Variants in HMCN2 observed in about 807,000 individuals in gnomAD.
HMCN2 encodes hemicentin 2.
A neutral mutation model predicts 377.5 loss-of-function variants in HMCN2; 325 were observed. That is an observed-to-expected ratio of 0.86 (90% CI 0.79 to 0.94). The LOEUF is 0.94. Among genes scored for constraint, HMCN2 ranks in the 40% least tolerant of loss-of-function variants. The pLI is 0.00. For synonymous variants in HMCN2, 2,007 were observed against 2,046.8 expected, an observed-to-expected ratio of 0.98 and a Z score of 0.53; for missense variants, 4,543 against 4,725.3, an observed-to-expected ratio of 0.96 and a Z score of 1.13.
chr9:130,365,574 C>T (rs1235232786), intron 41 of HMCN2, 57 bp from the exon 42 acceptor site: 1 of 851,044 alleles, frequency 1.2e-6, no homozygotes, highest in Admixed American at 6.2e-5. Flanking sequence ...ACAGTCTGTC[C>T]AGGGCTCACC....
At position 130,303,014 on chromosome 9, in the gene HMCN2, C is replaced by T. The variant is rs536822287; in HGVS notation, c.1421+13C>T. Reference sequence around the variant, plus strand: ...AGAGGCACTTTCAGTGAGTGGCCCACGGCAGCTGATTGTCCCCAGCCACAG... The same window carrying T: ...AGAGGCACTTTCAGTGAGTGGCCCATGGCAGCTGATTGTCCCCAGCCACAG... On this transcript the variant is annotated intron_variant, in intron 9 of 97. Transcript: ENST00000683500. This position sits in a 1 kb window ranked among gnomAD's most constrained non-coding sequence, Gnocchi z 5.2. The T allele has an allele frequency of 5.8e-5, 27 of 463,392 alleles. No homozygotes were observed. The highest frequency in any genetic ancestry group is 1.4e-4 in the East Asian group (2 of 14,354). The allele number at this position is 463,392 out of a possible 1,614,324, so 28.7% of individuals were successfully genotyped here.
At chr9:130,378,975 T>C (rs941890870) in intron 53 of HMCN2, among the ~76,000 whole-genome samples, 5 of 152,198 alleles carry the variant, frequency 3.3e-5, no homozygotes, top group Non-Finnish European at 5.9e-5. Flanking sequence ...GGCTTCCAAC[T>C]GTGAAAAATA....
At position 130,306,239 on chromosome 9, in the gene HMCN2, C is replaced by T. The variant is rs782367036; in HGVS notation, c.1927C>T (p.Arg643Cys). 8 of 470,962 alleles carry T rather than the reference C, an allele frequency of 1.7e-5. No individual in the cohort carries two copies. The highest frequency in any genetic ancestry group is 6.9e-5 in the East Asian group (1 of 14,394). 29.2% of individuals were successfully genotyped at this position (470,962 alleles called of 1,614,324 possible). The change falls in exon 12 of 98, where the codon CGT becomes TGT. Residue 643 changes from arginine (R) to cysteine (C), a missense_variant. By Grantham distance (180) the Arg-to-Cys change is radical (BLOSUM62 -3). This residue lies in a region of HMCN2 where 547 missense variants were observed against 189.9 expected (regional missense o/e 2.88). Coordinates refer to ENST00000683500, the MANE Select transcript of HMCN2 (RefSeq NM_001291815.2). ...CCCCACACCCCACATCTCCTGGAGC[C>T]GTGAGAGCCAAGCCCTACAAGAGGA... ...GYPTPHISWS[R>C]ESQALQEDSR...
intron 19 of HMCN2, among the ~76,000 whole-genome samples, chr9:130,322,358 CTAT>C (rs1837903949): frequency 6.6e-6 from 1 of 152,116 alleles, no homozygotes; most frequent in Non-Finnish European, 1.5e-5. Context: ...ATCTATCTAT[CTAT>C]CCATCTGTCT....
intron 19 of HMCN2, among the ~76,000 whole-genome samples, chr9:130,322,251 C>T (rs1837889980): frequency 6.6e-6 from 1 of 152,010 alleles, no homozygotes; most frequent in African/African-American, 2.4e-5. Context: ...ATTCTTTATA[C>T]ATTTTACATA....
chr9:130,380,829 C>A (rs1422608667), intron 54 of HMCN2, among the ~76,000 whole-genome samples: 1 of 151,746 alleles, frequency 6.6e-6, no homozygotes, highest in East Asian at 1.9e-4. Context: ...TCTTGCAGAT[C>A]CAGGAGTGCA....
At chr9:130,286,444 C>T (rs1835417452) in intron 4 of HMCN2, 134 bp downstream of exon 4, 1 of 397,160 alleles carries the variant, frequency 2.5e-6, no homozygotes, top group African/African-American at 2.0e-5. Flanking sequence ...TATAGCTGAG[C>T]AGCACTGGGT....
At chr9:130,409,254 C>A (rs1346152794) in intron 84 of HMCN2, among the ~76,000 whole-genome samples, 1 of 152,216 alleles carries the variant, frequency 6.6e-6, no homozygotes, top group Non-Finnish European at 1.5e-5. Flanking sequence ...TTGTTATTAA[C>A]AACCTCAGGG....
At chr9:130,339,931 G>A (rs964157581) in intron 23 of HMCN2, among the ~76,000 whole-genome samples, 5 of 152,212 alleles carry the variant, frequency 3.3e-5, no homozygotes, top group African/African-American at 1.2e-4. Flanking sequence ...GAGCAAGGTG[G>A]CCCCTGGGCT....
chr9:130,338,175 C>T (rs1838858768), intron 23 of HMCN2, 154 bp downstream of exon 23: 1 of 153,806 alleles, frequency 6.5e-6, no homozygotes, highest in Non-Finnish European at 1.4e-5. Context: ...TTTGCCACCC[C>T]CACTTCCTGT....
intron 22 of HMCN2, among the ~76,000 whole-genome samples, chr9:130,332,315 C>T (rs1838468932): frequency 6.6e-6 from 1 of 152,206 alleles, no homozygotes; most frequent in East Asian, 1.9e-4. Context: ...CATGGTCGCA[C>T]AGTGTGAGGG....
chr9:130,300,226 C>A (rs1554933898), intron 8 of HMCN2, among the ~76,000 whole-genome samples: 1 of 152,004 alleles, frequency 6.6e-6, no homozygotes, highest in Non-Finnish European at 1.5e-5. Context: ...ATTAATTCAC[C>A]TATCTATCCA....
intron 1 of HMCN2, among the ~76,000 whole-genome samples, chr9:130,278,129 G>C (rs375439766): frequency 4.6e-5 from 7 of 151,658 alleles, no homozygotes; most frequent in Admixed American, 2.0e-4. Context: ...TGGTTGGTTG[G>C]TTGGTTTTTT....
Position 130,422,737 on chromosome 9 carries a change from G to A in HMCN2, c.13381+11G>A, listed in dbSNP as rs1844090702. On this transcript the variant is annotated intron_variant, in intron 87 of 97. Transcript: ENST00000683500. The surrounding 1 kb of genome is among the most constrained non-coding windows in gnomAD (Gnocchi z 4.2). Reference sequence around the variant, plus strand: ...TCCCAGCAAACGTGGGTGAGTGGAAGGCAGAGCATCACCTGCCTCTGGGTT... The same window carrying A: ...TCCCAGCAAACGTGGGTGAGTGGAAAGCAGAGCATCACCTGCCTCTGGGTT... The A allele has an allele frequency of 7.8e-7, 1 of 1,274,938 alleles. No individual in the cohort carries two copies. Among genetic ancestry groups the A allele is most frequent in the Non-Finnish European group, 1.0e-6 (1 of 1,002,280 alleles). The allele number at this position is 1,274,938 out of a possible 1,614,324, so 79.0% of individuals were successfully genotyped here.
At chr9:130,329,974 C>T (rs1051410315) in intron 22 of HMCN2, among the ~76,000 whole-genome samples, 5 of 151,370 alleles carry the variant, frequency 3.3e-5, no homozygotes, top group Non-Finnish European at 7.4e-5. Context: ...TCCCCTCCCC[C>T]CCTTCCCTAC....
In HMCN2 at chr9:130,430,509, C is replaced by A. The variant is rs1844676844; in HGVS notation, c.14552C>A (p.Ala4851Asp). The A allele has an allele frequency of 2.6e-6, 4 of 1,550,612 alleles. No homozygotes were observed. Among genetic ancestry groups the A allele is most frequent in the Non-Finnish European group, 3.5e-6 (4 of 1,146,976 alleles). ...TCGATCCCCGGTACCTCCTACCACG[C>A]CTGGGTCTCTCTCCGTCCGGGTCCC... ...WASIPGTSYH[A>D]WVSLRPGPMA... The change falls in exon 95 of 98, where the codon GCC becomes GAC. Residue 4851 changes from alanine to aspartate, a missense_variant. Coordinates refer to ENST00000683500, the MANE Select transcript of HMCN2 (RefSeq NM_001291815.2).
intron 1 of HMCN2, among the ~76,000 whole-genome samples, chr9:130,283,348 C>T (rs1434391827): frequency 1.3e-5 from 2 of 152,108 alleles, no homozygotes; most frequent in Admixed American, 6.5e-5. Flanking sequence ...TCCATGTACC[C>T]ATCACCCAGC....
At position 130,386,458 on chromosome 9, in the gene HMCN2, T is replaced by A; in HGVS notation, c.9325T>A (p.Leu3109Ile). Residue 3109 changes from leucine to isoleucine, a missense_variant, in exon 61 of 98, where the codon TTA becomes ATA. Physicochemically the swap from Leu to Ile is conservative, Grantham distance 5. Coordinates refer to ENST00000683500, the MANE Select transcript of HMCN2 (RefSeq NM_001291815.2). ...IQEAQVSDKG[L>I]YSCKVSNVAG... Reference sequence around the variant, plus strand: ...CCTCTTTCAGGTATCGGATAAAGGTTTATACAGCTGTAAAGTCAGCAACGT... The same window carrying A: ...CCTCTTTCAGGTATCGGATAAAGGTATATACAGCTGTAAAGTCAGCAACGT... 7.7e-7 allele frequency: 1 copy of A among 1,303,866 alleles called. No homozygotes were observed. The highest frequency in any genetic ancestry group is 1.0e-6 in the Non-Finnish European group (1 of 988,858). 80.8% of individuals were successfully genotyped at this position (1,303,866 alleles called of 1,614,324 possible).
At chr9:130,309,092 C>T (rs922291239) in intron 14 of HMCN2, among the ~76,000 whole-genome samples, 4 of 152,012 alleles carry the variant, frequency 2.6e-5, no homozygotes, top group Non-Finnish European at 5.9e-5. Context: ...TGGTTCAGAT[C>T]GTCAATCTTA....
Sources: gnomAD v4.1 joint callset for allele counts (sites outside exome capture counted in the v4.1 genomes callset) on GRCh38, gnomAD v4.1.1 for gene constraint, gnomAD v4.1.1 regional missense constraint, Gnocchi (gnomAD v3.1) non-coding constraint, MANE v1.5 for transcripts, NCBI Gene and HGNC (gene_info 2026-07-23, HGNC 2026-07-21) for gene names.